Variants in INTU observed in about 807,000 individuals in gnomAD.
The protein encoded by INTU is protein inturned.
Under a neutral mutation model 100.5 loss-of-function variants are expected in INTU, and 68 were observed. The observed-to-expected ratio is 0.68, with a 90% confidence interval of 0.56 to 0.83. The LOEUF is 0.83. Ranked by LOEUF, INTU falls within the 40% of genes least tolerant of loss-of-function variation. INTU has a pLI of 0.00. For synonymous variants in INTU, 357 were observed against 395.7 expected (o/e 0.90, Z 1.16); for missense variants, 1,071 against 1,114.7 (o/e 0.96, Z 0.56).
intron 15 of INTU, 90 bp from the exon 16 acceptor site, chr4:127,716,235 C>T (rs1731257152): frequency 3.4e-6 from 2 of 595,334 alleles, no homozygotes; most frequent in Non-Finnish European, 5.8e-6. Context: ...CTGATGCTTT[C>T]AGAAACAAAA....
intron 11 of INTU, 67 bp from the exon 12 acceptor site, chr4:127,706,420 A>G: frequency 7.5e-7 from 1 of 1,340,462 alleles, no homozygotes; most frequent in Non-Finnish European, 1.0e-6. Flanking sequence ...ATAAGTTTAT[A>G]CATGCACATT....
intron 2 of INTU, 63 bp from the exon 3 acceptor site, chr4:127,656,573 T>C: frequency 8.4e-7 from 1 of 1,194,248 alleles, no homozygotes; most frequent in Non-Finnish European, 1.2e-6. Context: ...AATGTTCCAA[T>C]TCTAGACCTC....
At chr4:127,672,917 A>G (rs1331057422) in intron 5 of INTU, among the ~76,000 whole-genome samples, 1 of 152,260 alleles carries the variant, frequency 6.6e-6, no homozygotes, top group Admixed American at 6.5e-5. Context: ...TAAACTGAAC[A>G]TATGTAAAAT....
chr4:127,696,192 AG>A lies in INTU; in HGVS notation c.1450-3815del, dbSNP rs200957093. Among the ~76,000 whole-genome samples, 600 of 152,120 alleles carry A rather than the reference AG, an allele frequency of 3.9e-3. 3 individuals carry two copies. The highest frequency in any genetic ancestry group is 0.01 in the African/African-American group (432 of 41,508). ...AATGTCTTTGTCTGGTTTTAGTATT[AG>A]GGTAATGCTGACCTCATAGAATGAG... is the stretch of plus-strand genomic sequence containing the variant. On this transcript the variant is annotated intron_variant, in intron 8 of 15. Coordinates refer to ENST00000335251, the MANE Select transcript of INTU (RefSeq NM_015693.4).
At chr4:127,689,042 G>A (rs1441140463) in intron 8 of INTU, among the ~76,000 whole-genome samples, 2 of 137,456 alleles carry the variant, frequency 1.5e-5, no homozygotes, top group African/African-American at 5.5e-5. Flanking sequence ...GAGTGCAGTG[G>A]CATGATCATA....
In INTU at chr4:127,663,602, T is replaced by G. The variant is rs750972593; in HGVS notation, c.972+18T>G. On this transcript the variant is annotated intron_variant, in intron 4 of 15. Coordinates refer to ENST00000335251, the MANE Select transcript of INTU (RefSeq NM_015693.4). Reference sequence around the variant, plus strand: ...AGGAAGAGGTGAGTGTCCTCAAAAGTCCAAAGGAAATAAGTTTAGTCAAAA... The same window carrying G: ...AGGAAGAGGTGAGTGTCCTCAAAAGGCCAAAGGAAATAAGTTTAGTCAAAA... 6.2e-7 allele frequency: 1 copy of G among 1,604,824 alleles called. No homozygotes were observed. Among genetic ancestry groups the G allele is most frequent in the Non-Finnish European group, 8.5e-7 (1 of 1,173,602 alleles).
chr4:127,701,413 G>A (rs1490674785), intron 9 of INTU, among the ~76,000 whole-genome samples: 5 of 152,078 alleles, frequency 3.3e-5, no homozygotes, highest in Non-Finnish European at 5.9e-5. Flanking sequence ...AAACCTCTAT[G>A]AGACAACGAA....
Position 127,716,392 on chromosome 4 carries a change from G to A in INTU, c.2785G>A (p.Ala929Thr). The A allele has an allele frequency of 6.3e-7, 1 of 1,591,680 alleles. No individual in the cohort carries two copies. Among genetic ancestry groups the A allele is most frequent in the Non-Finnish European group, 8.6e-7 (1 of 1,169,386 alleles). Residue 929 changes from alanine (A) to threonine (T), a missense_variant, in exon 16 of 16, where the codon GCC becomes ACC. Transcript: ENST00000335251. ...VCFHDSVTEI[A>T]IEIAFKLFFG... ...TTTTCATGACTCAGTCACAGAAATT[G>A]CCATTGAAATAGCTTTTAAATTGTT...
rs1000897751 is a variant in INTU at position 127,650,313 on chromosome 4, G to A, written c.682+6257G>A. Among the ~76,000 whole-genome samples, 5 of 151,082 alleles carry A rather than the reference G, an allele frequency of 3.3e-5. No homozygotes were observed. The South Asian group carries it at 6.3e-4, about 19-fold the overall frequency. On this transcript the variant is annotated intron_variant, in intron 2 of 15. Coordinates refer to ENST00000335251, the MANE Select transcript of INTU (RefSeq NM_015693.4). ...ATGTATACATGTGCCATGCTGGTGCGCTGCACCCACTAACTCATCATCTAG... is the reference window on the plus strand; with the variant it reads ...ATGTATACATGTGCCATGCTGGTGCACTGCACCCACTAACTCATCATCTAG...
In INTU at chr4:127,705,787, G is replaced by C. The variant is rs1381491441; in HGVS notation, c.1763G>C (p.Arg588Thr). 6.2e-7 allele frequency: 1 copy of C among 1,613,958 alleles called. No individual in the cohort carries two copies. The highest frequency in any genetic ancestry group is 8.5e-7 in the Non-Finnish European group (1 of 1,179,904). ...GAAGTCTTTCCGGAACCTGAAGGAA[G>C]ATATTTTTTGCTAGTTGTTGGCTTG... ...STEVFPEPEGRYFLLVVGLKH... is the reference protein window; with the variant it reads ...STEVFPEPEGTYFLLVVGLKH... The change falls in exon 11 of 16, where the codon AGA becomes ACA. Residue 588 changes from arginine (R) to threonine (T), a missense_variant. Physicochemically the swap from Arg to Thr is moderately conservative, Grantham distance 71 (BLOSUM62 -1). Coordinates refer to ENST00000335251, the MANE Select transcript of INTU (RefSeq NM_015693.4).
intron 1 of INTU, among the ~76,000 whole-genome samples, chr4:127,634,273 G>A (rs1244273557): frequency 6.6e-6 from 1 of 152,130 alleles, no homozygotes; most frequent in Non-Finnish European, 1.5e-5. Flanking sequence ...ATTACACAAG[G>A]CTGCTGGAAG....
chr4:127,663,483 T>A lies in INTU; in HGVS notation c.871T>A (p.Trp291Arg). Reference sequence around the variant, plus strand: ...CACAAGTGATTTAGTCAAGCTTCTCTGGGGAGAAGAGGTTGAAGGTATCCA... The same window carrying A: ...CACAAGTGATTTAGTCAAGCTTCTCAGGGGAGAAGAGGTTGAAGGTATCCA... Reference protein sequence around the residue: ...SNTSDLVKLLWGEEVEGIQQS... With the variant: ...SNTSDLVKLLRGEEVEGIQQS... The change falls in exon 4 of 16, where the codon TGG becomes AGG. Residue 291 changes from tryptophan to arginine, a missense_variant. Physicochemically the swap from Trp to Arg is moderately radical, Grantham distance 101. Transcript: ENST00000335251. 1.9e-6 allele frequency: 3 copies of A among 1,612,616 alleles called. No individual in the cohort carries two copies. Among genetic ancestry groups the A allele is most frequent in the Non-Finnish European group, 2.5e-6 (3 of 1,178,774 alleles).
chr4:127,695,165 A>C (rs1730327019), intron 8 of INTU, among the ~76,000 whole-genome samples: 2 of 152,240 alleles, frequency 1.3e-5, no homozygotes, highest in African/African-American at 2.4e-5. Flanking sequence ...CATTTATCAG[A>C]GTATGGTAGT....
chr4:127,708,161 G>A (rs947375113), intron 12 of INTU, among the ~76,000 whole-genome samples: 1 of 152,196 alleles, frequency 6.6e-6, no homozygotes, highest in African/African-American at 2.4e-5. Flanking sequence ...GCTCCTAAGA[G>A]AAATTGAGTT....
chr4:127,698,491 T>A (rs1360100397), intron 8 of INTU, among the ~76,000 whole-genome samples: 1 of 151,264 alleles, frequency 6.6e-6, no homozygotes, highest in Admixed American at 6.6e-5. Context: ...GTGTGTGAGG[T>A]AACATGCCTG....
chr4:127,709,744 C>CACACACACAG lies in INTU; in HGVS notation c.2369+1077_2369+1078insCACACACAGA, dbSNP rs1395993480. Among the ~76,000 whole-genome samples, 10 of 151,430 alleles carry CACACACACAG rather than the reference C, an allele frequency of 6.6e-5. No homozygotes were observed. In the East Asian group the frequency reaches 1.7e-3, roughly 26 times the overall value. Reference sequence around the variant, plus strand: ...ACACACACACACACACACACACACACAGTACAGAGCTACCACATTCTTAAT... The same window carrying CACACACACAG: ...ACACACACACACACACACACACACACACACACACAGAGTACAGAGCTACCACATTCTTAAT... On this transcript the variant is annotated intron_variant, in intron 13 of 15. Coordinates refer to ENST00000335251, the MANE Select transcript of INTU (RefSeq NM_015693.4).
In INTU at chr4:127,675,816, G is replaced by T. The variant is rs534985734; in HGVS notation, c.1181+1603G>T. 15 of 180,894 alleles carry T rather than the reference G, an allele frequency of 8.3e-5. No individual in the cohort carries two copies. The South Asian group carries it at 1.0e-3, about 12-fold the overall frequency. 11.2% of individuals were successfully genotyped at this position (180,894 alleles called of 1,614,324 possible). On this transcript the variant is annotated intron_variant, in intron 6 of 15. Transcript: ENST00000335251. Reference sequence around the variant, plus strand: ...GCGAGCCAAAAGACAGAAAGAGGGGGATGCTACAAGACCTTTTATGGCTTA... The same window carrying T: ...GCGAGCCAAAAGACAGAAAGAGGGGTATGCTACAAGACCTTTTATGGCTTA...
chr4:127,699,941 G>A, intron 8 of INTU, 69 bp from the exon 9 acceptor site: 4 of 1,129,960 alleles, frequency 3.5e-6, no homozygotes, highest in Non-Finnish European at 5.0e-6. Context: ...CTTTTTATAT[G>A]GCCATTACTA....
At chr4:127,654,044 C>G (rs1173912733) in intron 2 of INTU, among the ~76,000 whole-genome samples, 2 of 150,768 alleles carry the variant, frequency 1.3e-5, no homozygotes, top group Admixed American at 6.6e-5. Flanking sequence ...AGGATTGAAA[C>G]CCCTGCCTTT....
Sources: allele counts gnomAD v4.1 joint callset (sites outside exome capture counted in the v4.1 genomes callset), GRCh38; gene constraint gnomAD v4.1.1; transcripts MANE v1.5; gene names NCBI Gene and HGNC (gene_info 2026-07-23, HGNC 2026-07-21).